The following CRB1 variants were observed in gnomAD, a reference collection of about 807,000 sequenced individuals.
The protein encoded by CRB1 is crumbs cell polarity complex component 1.
Under a neutral mutation model 120.0 loss-of-function variants are expected in CRB1, and 83 were observed. The observed-to-expected ratio is 0.69, with a 90% CI of 0.58 to 0.83. CRB1 has a LOEUF of 0.83. Ranked by LOEUF, CRB1 falls within the 40% of genes least tolerant of loss-of-function variation. CRB1 has a pLI of 0.00. For synonymous variants in CRB1, 625 were observed against 612.5 expected, an observed-to-expected ratio of 1.02 and a Z score of -0.30; for missense variants, 1,699 against 1,687.6, an observed-to-expected ratio of 1.01 and a Z score of -0.12.
intron 5 of CRB1, among the ~76,000 whole-genome samples, chr1:197,398,498 C>T (rs1022933764): frequency 2.6e-5 from 4 of 151,870 alleles, no homozygotes; most frequent in Non-Finnish European, 5.9e-5. Context: ...AATAGTAGGG[C>T]TTTGGAAGAT....
At chr1:197,341,376 C>T (rs889468698) in intron 2 of CRB1, among the ~76,000 whole-genome samples, 1 of 152,058 alleles carries the variant, frequency 6.6e-6, no homozygotes, top group Non-Finnish European at 1.5e-5. Context: ...AACCCCATCT[C>T]TACAAAAAAT....
chr1:197,279,280 A>G (rs1343445012), intron 1 of CRB1, among the ~76,000 whole-genome samples: 6 of 151,854 alleles, frequency 4.0e-5, no homozygotes, highest in African/African-American at 1.4e-4. Flanking sequence ...TTATATATCA[A>G]TGCCTGAAAA....
At chr1:197,331,021 A>C (rs1658822014) in intron 2 of CRB1, among the ~76,000 whole-genome samples, 1 of 152,094 alleles carries the variant, frequency 6.6e-6, no homozygotes, top group African/African-American at 2.4e-5. Context: ...TCTCTACTAA[A>C]AATACAAAAA....
At chr1:197,354,190 T>C (rs1041446353) in intron 4 of CRB1, among the ~76,000 whole-genome samples, 5 of 152,208 alleles carry the variant, frequency 3.3e-5, no homozygotes, top group African/African-American at 1.2e-4. Flanking sequence ...AATCATCCAC[T>C]GCTGGTAATG....
chr1:197,366,918 C>A (rs1012735554), intron 5 of CRB1, among the ~76,000 whole-genome samples: 1 of 151,314 alleles, frequency 6.6e-6, no homozygotes, highest in Non-Finnish European at 1.5e-5. Context: ...AAAATCATTT[C>A]AAAAAAAAAT....
rs917245598 is a variant in CRB1 at position 197,421,703 on chromosome 1, T to G, written c.1875T>G (p.Val625=). Residue 625 remains valine (V), a synonymous_variant, in exon 6 of 12, where the codon GTT becomes GTG. Coordinates refer to ENST00000367400, the MANE Select transcript of CRB1 (RefSeq NM_201253.3). ...GLPVGMTSNG[V]ALLNFYNMPS... ...CAGTGGGAATGACCAGCAATGGTGT[T>G]GCTCTGCTTAACTTCTATAATATGC... is the stretch of plus-strand genomic sequence containing the variant. The G allele has an allele frequency of 1.9e-6, 3 of 1,614,216 alleles. No individual in the cohort carries two copies. The East Asian group carries it at 6.7e-5, about 36-fold the overall frequency.
chr1:197,366,033 G>T (rs1288553908), intron 5 of CRB1, among the ~76,000 whole-genome samples: 1 of 151,952 alleles, frequency 6.6e-6, no homozygotes, highest in Non-Finnish European at 1.5e-5. Context: ...TGTTATAGTA[G>T]TATAAAGAAA....
chr1:197,280,271 T>C (rs77549601), intron 1 of CRB1, among the ~76,000 whole-genome samples: 1 of 151,790 alleles, frequency 6.6e-6, no homozygotes, highest in South Asian at 2.1e-4. Flanking sequence ...GTAAATATAA[T>C]TGTTAATCGT....
At chr1:197,369,724 C>T (rs116462931) in intron 5 of CRB1, among the ~76,000 whole-genome samples, 2,153 of 152,232 alleles carry the variant, frequency 0.014, 34 homozygotes, top group African/African-American at 0.048. Context: ...TCCCAGAATG[C>T]TCTCTACATA....
the CRB1 span, among the ~76,000 whole-genome samples, chr1:197,217,736 A>G: frequency 1.3e-5 from 2 of 152,138 alleles, no homozygotes. Context: ...CTAAAATTAG[A>G]TAGTGGTCAT....
intron 5 of CRB1, among the ~76,000 whole-genome samples, chr1:197,377,553 C>G (rs866290504): frequency 5.7e-4 from 87 of 152,282 alleles, no homozygotes; most frequent in African/African-American, 1.9e-3. Context: ...AATTCTTGCT[C>G]TAATTATAGT....
At chr1:197,376,309 T>G (rs1661643131) in intron 5 of CRB1, among the ~76,000 whole-genome samples, 2 of 152,180 alleles carry the variant, frequency 1.3e-5, no homozygotes, top group African/African-American at 4.8e-5. Context: ...TGTATTTAGA[T>G]AGCTAAAATG....
chr1:197,387,998 C>CTATA (rs1238539122), intron 5 of CRB1, among the ~76,000 whole-genome samples: 1 of 151,652 alleles, frequency 6.6e-6, no homozygotes, highest in African/African-American at 2.4e-5. Flanking sequence ...CTCTCTCTCT[C>CTATA]TCTATATATA....
At chr1:197,408,608 A>G (rs2476022) in intron 5 of CRB1, among the ~76,000 whole-genome samples, 10,502 of 152,252 alleles carry the variant, frequency 0.069, 1,266 homozygotes, top group African/African-American at 0.24. Context: ...AGTTCTTACC[A>G]TGGCAGAGAG....
intron 6 of CRB1, among the ~76,000 whole-genome samples, chr1:197,425,498 C>CT (rs1187355387): frequency 2.0e-5 from 3 of 152,130 alleles, no homozygotes; most frequent in Admixed American, 6.6e-5. Flanking sequence ...GAAATATGCT[C>CT]TTTTTTTCTG....
chr1:197,325,609 C>A (rs926953678), intron 1 of CRB1, among the ~76,000 whole-genome samples: 8 of 151,972 alleles, frequency 5.3e-5, no homozygotes, highest in Admixed American at 1.3e-4. Flanking sequence ...ATAACGCCAA[C>A]CATATATATT....
At chr1:197,343,332 C>T (rs180820393) in intron 2 of CRB1, among the ~76,000 whole-genome samples, 1 of 152,014 alleles carries the variant, frequency 6.6e-6, no homozygotes, top group Non-Finnish European at 1.5e-5. Flanking sequence ...CTTTTAAAAC[C>T]TGTATGCAAA....
At chr1:197,380,299 C>T (rs537893908) in intron 5 of CRB1, among the ~76,000 whole-genome samples, 19 of 152,258 alleles carry the variant, frequency 1.2e-4, no homozygotes, top group Admixed American at 1.2e-3. Flanking sequence ...CATCATTGAC[C>T]TGGCCAAACT....
chr1:197,425,392 T>G (rs188083198), intron 6 of CRB1, among the ~76,000 whole-genome samples: 23 of 152,334 alleles, frequency 1.5e-4, no homozygotes, highest in Admixed American at 6.5e-4. Context: ...CACAGTTGAT[T>G]GTCTAAGCAA....
Sources: allele counts gnomAD v4.1 joint callset (sites outside exome capture counted in the v4.1 genomes callset), GRCh38; gene constraint gnomAD v4.1.1; transcripts MANE v1.5; gene names NCBI Gene and HGNC (gene_info 2026-07-23, HGNC 2026-07-21).